The following TRPM3 variants were observed in gnomAD, a reference collection of about 807,000 sequenced individuals.
TRPM3 encodes the protein long transient receptor potential channel 3.
Under a neutral mutation model 181.2 loss-of-function variants are expected in TRPM3, and 77 were observed. The observed-to-expected ratio is 0.42, with a 90% CI of 0.35 to 0.51. The LOEUF is 0.51. Ranked by LOEUF, TRPM3 falls within the 20% of genes least tolerant of loss-of-function variation. The pLI is 0.01. For missense variants in TRPM3, 1,759 were observed against 2,196.7 expected (o/e 0.80, Z 3.98); for synonymous variants, 745 against 796.4 (o/e 0.94, Z 1.09).
chr9:70,772,255 G>A (rs1391144104), intron 7 of TRPM3, among the ~76,000 whole-genome samples: 1 of 151,980 alleles, frequency 6.6e-6, no homozygotes, highest in African/African-American at 2.4e-5. Context: ...CTAGCCACAG[G>A]TCAAGCACTC....
chr9:70,797,300 C>T (rs1180494898), intron 6 of TRPM3, among the ~76,000 whole-genome samples: 3 of 152,160 alleles, frequency 2.0e-5, no homozygotes, highest in Non-Finnish European at 2.9e-5. Flanking sequence ...AAATGCCCAG[C>T]GTCTGTGCTC....
intron 1 of TRPM3, among the ~76,000 whole-genome samples, chr9:71,024,420 G>A (rs2097874513): frequency 6.6e-6 from 1 of 150,886 alleles, no homozygotes; most frequent in Non-Finnish European, 1.5e-5. Context: ...TTTGAAGGAG[G>A]TGTTAACAAG....
Position 70,603,400 on chromosome 9 carries a change from G to A in TRPM3, c.2738C>T (p.Thr913Ile). The change falls in exon 20 of 26, where the codon ACC (threonine) becomes ATC (isoleucine). Residue 913 changes from threonine (T) to isoleucine (I), a missense_variant. By Grantham distance (89) the Thr-to-Ile change is moderately conservative. Around this residue, in one of 8 missense-constraint regions of TRPM3, gnomAD observed 100 missense variants for 123.0 expected, o/e 0.81. Coordinates refer to ENST00000677713, the MANE Select transcript of TRPM3 (RefSeq NM_001366145.2). The stretch of plus-strand genomic sequence containing the variant: ...ATAGGAGATTACGATCCATTCCTGG[G>A]TGGACGGCCAGCGTTCCATCTTCAC... The part of the protein sequence containing the change: ...VLVKMERWPS[T>I]QEWIVISYIF... The A allele has an allele frequency of 6.2e-7, 1 of 1,614,028 alleles. No homozygotes were observed. Among genetic ancestry groups the A allele is most frequent in the South Asian group, 1.1e-5 (1 of 91,076 alleles).
chr9:70,811,477 A>G (rs1166647643), intron 6 of TRPM3, among the ~76,000 whole-genome samples: 1 of 152,178 alleles, frequency 6.6e-6, no homozygotes, highest in Non-Finnish European at 1.5e-5. Flanking sequence ...TGGAGGAAGT[A>G]TCATTCTTTA....
chr9:71,429,610 C>T (rs1406155144), intron 1 of TRPM3, among the ~76,000 whole-genome samples: 3 of 152,168 alleles, frequency 2.0e-5, no homozygotes, highest in Non-Finnish European at 4.4e-5. Flanking sequence ...CTACATCATC[C>T]TGCTTTCAAT....
intron 1 of TRPM3, among the ~76,000 whole-genome samples, chr9:71,206,978 A>T (rs1465768908): frequency 6.6e-6 from 1 of 152,044 alleles, no homozygotes; most frequent in African/African-American, 2.4e-5. Context: ...TTCTCATGGG[A>T]TGTTCTCTTT....
chr9:70,921,673 C>A (rs2096654644), intron 1 of TRPM3, among the ~76,000 whole-genome samples: 1 of 152,174 alleles, frequency 6.6e-6, no homozygotes, highest in Admixed American at 6.5e-5. Context: ...ACACTTCTAA[C>A]ACAAAGACCC....
intron 9 of TRPM3, among the ~76,000 whole-genome samples, chr9:70,645,495 T>C (rs2058693915): frequency 6.6e-6 from 1 of 152,180 alleles, no homozygotes; most frequent in Admixed American, 6.6e-5. Flanking sequence ...TTGGAAAAAC[T>C]GGCTAGCCAT....
At chr9:71,292,700 C>T (rs192054701) in intron 1 of TRPM3, among the ~76,000 whole-genome samples, 12 of 151,940 alleles carry the variant, frequency 7.9e-5, no homozygotes, top group Admixed American at 7.2e-4. Context: ...ATTTTACCAG[C>T]AAGTTCTATG....
At chr9:71,154,938 A>C (rs964270396) in intron 1 of TRPM3, among the ~76,000 whole-genome samples, 24 of 152,164 alleles carry the variant, frequency 1.6e-4, no homozygotes, top group African/African-American at 5.5e-4. Context: ...CTCACACAAA[A>C]AGCATTATCT....
intron 1 of TRPM3, among the ~76,000 whole-genome samples, chr9:70,958,284 A>C (rs892398126): frequency 6.6e-6 from 1 of 152,166 alleles, no homozygotes; most frequent in African/African-American, 2.4e-5. Context: ...AATTCACTAG[A>C]GGTCCTCTCC....
chr9:70,640,201 A>G (rs2057840703), intron 10 of TRPM3, among the ~76,000 whole-genome samples: 1 of 152,224 alleles, frequency 6.6e-6, no homozygotes, highest in South Asian at 2.1e-4. Context: ...GCCCCATCAA[A>G]GACAATCAGA....
chr9:70,929,820 T>C (rs1022830190), intron 1 of TRPM3, among the ~76,000 whole-genome samples: 1 of 152,222 alleles, frequency 6.6e-6, no homozygotes, highest in Admixed American at 6.5e-5. Flanking sequence ...GCACTTTTGC[T>C]ATCCTCCTCC....
intron 1 of TRPM3, among the ~76,000 whole-genome samples, chr9:71,146,225 G>C (rs1439210689): frequency 6.6e-6 from 1 of 152,148 alleles, no homozygotes; most frequent in Non-Finnish European, 1.5e-5. Flanking sequence ...TATAAAGTCA[G>C]CTTTTGCAAG....
At chr9:70,772,971 G>C (rs1294620075) in intron 7 of TRPM3, among the ~76,000 whole-genome samples, 1 of 152,126 alleles carries the variant, frequency 6.6e-6, no homozygotes, top group Admixed American at 6.5e-5. Context: ...TATTGTTTTA[G>C]GACCCATATA....
intron 1 of TRPM3, among the ~76,000 whole-genome samples, chr9:70,882,497 A>G (rs190347216): frequency 6.6e-6 from 1 of 152,198 alleles, no homozygotes; most frequent in Non-Finnish European, 1.5e-5. Context: ...CTTAGGCCTC[A>G]GATAAGGTCA....
intron 8 of TRPM3, among the ~76,000 whole-genome samples, chr9:70,701,736 C>A (rs1326198430): frequency 6.6e-6 from 1 of 152,104 alleles, no homozygotes; most frequent in Non-Finnish European, 1.5e-5. Flanking sequence ...TATCTAGATT[C>A]TTAAGGAGAA....
rs2074178106 is a variant in TRPM3 at position 71,128,372 on chromosome 9, T to C, written c.184-263861A>G. 2.6e-5 allele frequency among the ~76,000 whole-genome samples: 4 copies of C among 152,286 alleles called. No individual in the cohort carries two copies. In the South Asian group the frequency reaches 6.2e-4, roughly 24 times the overall value. ...GATATTCAAAGGCCTAGAGCTAAAA[T>C]ACAACTTTATTCAGCCTTGAAACCC... On this transcript the variant is annotated intron_variant, in intron 1 of 24. Transcript: ENST00000357533.
At chr9:70,556,874 G>A (rs780062256) in intron 22 of TRPM3, among the ~76,000 whole-genome samples, 3 of 152,192 alleles carry the variant, frequency 2.0e-5, no homozygotes, top group African/African-American at 7.2e-5. Flanking sequence ...CATTACACAA[G>A]ATAATGCATG....
Sources: allele counts gnomAD v4.1 joint callset (sites outside exome capture counted in the v4.1 genomes callset), GRCh38; gene constraint gnomAD v4.1.1; regional missense constraint gnomAD v4.1.1; transcripts MANE v1.5; gene names NCBI Gene and HGNC (gene_info 2026-07-23, HGNC 2026-07-21).